NBEA: variants seen among roughly 807,000 people sequenced by gnomAD.
The protein encoded by NBEA is lysosomal-trafficking regulator 2.
NBEA carries 44 observed loss-of-function variants against 343.4 expected under a neutral mutation model. The observed-to-expected ratio is 0.13, with a 90% CI of 0.10 to 0.16. The LOEUF is 0.16. Ranked by LOEUF, NBEA falls within the 10% of genes least tolerant of loss-of-function variation. The pLI is 1.00. For missense variants in NBEA, 2,555 were observed against 3,631.3 expected, an observed-to-expected ratio of 0.70 and a Z score of 7.62; for synonymous variants, 1,175 against 1,238.7, an observed-to-expected ratio of 0.95 and a Z score of 1.08.
chr13:35,404,596 A>C (rs1246650723), intron 38 of NBEA, among the ~76,000 whole-genome samples: 4 of 110,776 alleles, frequency 3.6e-5, no homozygotes, highest in South Asian at 3.3e-4. Context: ...CACTCTGGGG[A>C]CTGTTGTGGG....
intron 34 of NBEA, among the ~76,000 whole-genome samples, chr13:35,271,627 C>T (rs2034161931): frequency 6.6e-6 from 1 of 152,144 alleles, no homozygotes; most frequent in Non-Finnish European, 1.5e-5. Context: ...AGACTAATGG[C>T]TAACTAGAAT....
chr13:35,058,589 T>C (rs2063350935), intron 7 of NBEA, 128 bp from the exon 8 acceptor site: 5 of 755,740 alleles, frequency 6.6e-6, no homozygotes, highest in Non-Finnish European at 1.1e-5. Flanking sequence ...AATAAAGTCT[T>C]AATTGATGCT....
intron 35 of NBEA, among the ~76,000 whole-genome samples, chr13:35,300,085 A>C (rs755233451): frequency 2.0e-5 from 3 of 152,170 alleles, no homozygotes; most frequent in East Asian, 1.9e-4. Flanking sequence ...AGTTTTGTTT[A>C]TCTCTCCTTT....
intron 25 of NBEA, 188 bp from the exon 26 acceptor site, chr13:35,171,084 T>C (rs2070426859): frequency 1.4e-6 from 1 of 722,680 alleles, no homozygotes; most frequent in Admixed American, 1.7e-5. Flanking sequence ...TCAAGGATAA[T>C]TGATAGGTAA....
rs558666659 is a variant in NBEA at position 35,562,435 on chromosome 13, G to A, written c.6923-4470G>A. Among the ~76,000 whole-genome samples, 26 of 152,070 alleles carry A rather than the reference G, an allele frequency of 1.7e-4. No homozygotes were observed. In the South Asian group the frequency reaches 3.7e-3, roughly 22 times the overall value. ...CATTTTAAAAAATAGGAGAGTAACC[G>A]CTAACACGGCTTTGTGTAAATGATC... On this transcript the variant is annotated intron_variant, in intron 44 of 58. Coordinates refer to ENST00000379939, the MANE Select transcript of NBEA (RefSeq NM_001385012.1).
At chr13:35,172,873 T>A (rs2070578477) in intron 26 of NBEA, among the ~76,000 whole-genome samples, 1 of 152,088 alleles carries the variant, frequency 6.6e-6, no homozygotes, top group African/African-American at 2.4e-5. Flanking sequence ...TACTACTTGT[T>A]ACAGTATTCT....
At chr13:35,262,181 A>G (rs1447918027) in intron 34 of NBEA, among the ~76,000 whole-genome samples, 1 of 152,264 alleles carries the variant, frequency 6.6e-6, no homozygotes, top group South Asian at 2.1e-4. Context: ...AGTGCTGCCA[A>G]GAATATGCAG....
intron 30 of NBEA, among the ~76,000 whole-genome samples, chr13:35,189,035 CAG>C (rs1349252065): frequency 3.3e-5 from 5 of 150,802 alleles, no homozygotes; most frequent in Admixed American, 1.3e-4. Flanking sequence ...TTGTACCGCT[CAG>C]CTTCCTGAGT....
At chr13:34,963,161 C>T (rs2059711966) in intron 1 of NBEA, among the ~76,000 whole-genome samples, 1 of 151,898 alleles carries the variant, frequency 6.6e-6, no homozygotes, top group African/African-American at 2.4e-5. Context: ...CTGGAGGTGT[C>T]ATGACACATA....
At chr13:35,511,692 G>GTA (rs2077282714) in intron 41 of NBEA, among the ~76,000 whole-genome samples, 1 of 152,050 alleles carries the variant, frequency 6.6e-6, no homozygotes, top group African/African-American at 2.4e-5. Flanking sequence ...GCATTACACT[G>GTA]TATCATATTA....
intron 28 of NBEA, among the ~76,000 whole-genome samples, chr13:35,181,927 G>C (rs1443277318): frequency 2.0e-5 from 3 of 151,380 alleles, no homozygotes; most frequent in Non-Finnish European, 3.0e-5. Flanking sequence ...AGTTACACTA[G>C]GATTTTATAT....
intron 21 of NBEA, among the ~76,000 whole-genome samples, chr13:35,158,376 A>G (rs540648341): frequency 1.3e-5 from 2 of 152,196 alleles, no homozygotes; most frequent in African/African-American, 2.4e-5. Context: ...AAGTATTGAC[A>G]CCTCAGATTT....
At chr13:35,493,071 A>C (rs540470539) in intron 41 of NBEA, among the ~76,000 whole-genome samples, 2 of 152,018 alleles carry the variant, frequency 1.3e-5, no homozygotes, top group Admixed American at 6.6e-5. Flanking sequence ...TAGATTGTCT[A>C]TATGAATACT....
At chr13:35,584,065 C>T in intron 46 of NBEA, 27 bp downstream of exon 46, 1 of 1,597,678 alleles carries the variant, frequency 6.3e-7, no homozygotes, top group Non-Finnish European at 8.5e-7. Flanking sequence ...AGTTAGCTTG[C>T]CTTTGGTACC....
At chr13:35,136,627 T>C (rs535500742) in intron 17 of NBEA, among the ~76,000 whole-genome samples, 2 of 152,326 alleles carry the variant, frequency 1.3e-5, no homozygotes, top group South Asian at 4.1e-4. Flanking sequence ...AAAGAAGTAC[T>C]TTCAAATGGT....
chr13:35,552,452 A>G (rs9544623), intron 43 of NBEA, among the ~76,000 whole-genome samples: 1 of 152,230 alleles, frequency 6.6e-6, no homozygotes, highest in South Asian at 2.1e-4. Flanking sequence ...AAGCACTTAT[A>G]TAAAATACAG....
intron 1 of NBEA, among the ~76,000 whole-genome samples, chr13:34,964,789 A>G (rs529148329): frequency 6.6e-6 from 1 of 152,124 alleles, no homozygotes; most frequent in South Asian, 2.1e-4. Flanking sequence ...CTCTGGGTCC[A>G]TTAGTAGGTA....
At chr13:35,644,875 A>C (rs558692916) in intron 49 of NBEA, among the ~76,000 whole-genome samples, 20 of 152,218 alleles carry the variant, frequency 1.3e-4, no homozygotes, top group Non-Finnish European at 2.9e-4. Context: ...CACACTTGTG[A>C]GTAGACACCA....
chr13:35,561,772 C>T (rs1358953972), intron 44 of NBEA, among the ~76,000 whole-genome samples: 1 of 152,040 alleles, frequency 6.6e-6, no homozygotes, highest in African/African-American at 2.4e-5. Context: ...TATAAATAAA[C>T]ACACATTTAC....
Sources: gnomAD v4.1 joint callset for allele counts (sites outside exome capture counted in the v4.1 genomes callset) on GRCh38, gnomAD v4.1.1 for gene constraint, MANE v1.5 for transcripts, NCBI Gene and HGNC (gene_info 2026-07-23, HGNC 2026-07-21) for gene names.